The following CACNA2D1 variants were observed in gnomAD, a reference collection of about 807,000 sequenced individuals.
The protein encoded by CACNA2D1 is voltage-dependent calcium channel subunit alpha-2/delta-1.
In CACNA2D1, 53 loss-of-function variants were observed where a neutral mutation model predicts 171.5. The ratio of observed to expected loss-of-function variants is 0.31; its 90% CI spans 0.25 to 0.39. The LOEUF (loss-of-function observed/expected upper bound fraction) is 0.39, where lower values mean the gene tolerates loss of function less well. Ranked by LOEUF, CACNA2D1 falls within the 10% of genes least tolerant of loss-of-function variation. The pLI, the probability that CACNA2D1 is intolerant of heterozygous loss-of-function variation, is 1.00. For missense variants in CACNA2D1, 903 were observed against 1,299.8 expected (o/e 0.69, Z 4.69); for synonymous variants, 442 against 443.1 (o/e 1.00, Z 0.03).
intron 6 of CACNA2D1, among the ~76,000 whole-genome samples, chr7:82,110,055 G>C (rs572922023): frequency 6.6e-6 from 1 of 152,262 alleles, no homozygotes; most frequent in African/African-American, 2.4e-5. Flanking sequence ...CAGCCTACCT[G>C]TCCATCATAC....
rs367653291 is a variant in CACNA2D1, at chr7:82,101,357, CA to C, written c.526+15686del. Among the ~76,000 whole-genome samples, 659 of 152,180 alleles carry C rather than the reference CA, an allele frequency of 4.3e-3. 4 individuals carry two copies. Among genetic ancestry groups the C allele is most frequent in the East Asian group, 0.015 (76 of 5,166 alleles). On this transcript the variant is annotated intron_variant, in intron 6 of 38. Coordinates refer to ENST00000356860, the MANE Select transcript of CACNA2D1 (RefSeq NM_000722.4). ...TGGCATGGCCAAAGTCTTGGGGGAG[CA>C]CACAGGTGATGATGGGTGACAAATG...
intron 24 of CACNA2D1, among the ~76,000 whole-genome samples, chr7:81,978,157 A>G (rs1796048838): frequency 6.6e-6 from 1 of 152,210 alleles, no homozygotes; most frequent in Admixed American, 6.5e-5. Flanking sequence ...AATTGGTTCA[A>G]CCATTGTGGA....
chr7:82,157,414 T>A (rs1350424049), intron 4 of CACNA2D1, among the ~76,000 whole-genome samples: 1 of 152,112 alleles, frequency 6.6e-6, no homozygotes, highest in Admixed American at 6.6e-5. Context: ...TTCCACCATA[T>A]CCATGTATTC....
At chr7:82,075,784 T>A (rs752756041) in intron 7 of CACNA2D1, among the ~76,000 whole-genome samples, 2 of 152,136 alleles carry the variant, frequency 1.3e-5, no homozygotes, top group Non-Finnish European at 2.9e-5. Flanking sequence ...TTTTTCATAA[T>A]CAAGTATACT....
At chr7:82,053,297 A>G (rs2131324978) in intron 10 of CACNA2D1, among the ~76,000 whole-genome samples, 1 of 151,916 alleles carries the variant, frequency 6.6e-6, no homozygotes, top group African/African-American at 2.4e-5. Context: ...AATTATGATT[A>G]AATAGAAGGT....
chr7:82,418,007 T>G (rs1828345104), intron 1 of CACNA2D1, among the ~76,000 whole-genome samples: 1 of 152,182 alleles, frequency 6.6e-6, no homozygotes, highest in African/African-American at 2.4e-5. Flanking sequence ...GTTCTCAAGC[T>G]GCTATAAAGA....
At chr7:82,357,796 G>T (rs1182112687) in intron 1 of CACNA2D1, among the ~76,000 whole-genome samples, 3 of 151,210 alleles carry the variant, frequency 2.0e-5, no homozygotes, top group Non-Finnish European at 4.4e-5. Flanking sequence ...CACCAACATG[G>T]CACATGTATA....
At chr7:82,147,479 C>T (rs1204222070) in intron 4 of CACNA2D1, among the ~76,000 whole-genome samples, 1 of 152,154 alleles carries the variant, frequency 6.6e-6, no homozygotes, top group Non-Finnish European at 1.5e-5. Flanking sequence ...TTGCTTTAAT[C>T]TCCTTTAATC....
chr7:82,053,234 A>G (rs2131324001), intron 10 of CACNA2D1, among the ~76,000 whole-genome samples: 1 of 143,210 alleles, frequency 7.0e-6, no homozygotes, highest in African/African-American at 2.6e-5. Context: ...CCTGGGTGAC[A>G]GAGCGAGACT....
intron 1 of CACNA2D1, among the ~76,000 whole-genome samples, chr7:82,373,645 C>T (rs1278421718): frequency 2.6e-5 from 4 of 152,130 alleles, no homozygotes; most frequent in Non-Finnish European, 5.9e-5. Flanking sequence ...AAAATTATGC[C>T]TACAATCTGG....
intron 3 of CACNA2D1, among the ~76,000 whole-genome samples, chr7:82,280,156 G>C (rs982049454): frequency 2.0e-5 from 3 of 152,050 alleles, no homozygotes; most frequent in Non-Finnish European, 4.4e-5. Context: ...ATTTTATTTT[G>C]AATCATAAGT....
chr7:82,092,938 C>G (rs1004564295), intron 6 of CACNA2D1, among the ~76,000 whole-genome samples: 1 of 151,354 alleles, frequency 6.6e-6, no homozygotes, highest in African/African-American at 2.4e-5. Context: ...AGCCGGAAGC[C>G]ATAGAAGAAT....
At chr7:82,018,109 C>T (rs774532003) in intron 12 of CACNA2D1, among the ~76,000 whole-genome samples, 5 of 152,128 alleles carry the variant, frequency 3.3e-5, no homozygotes, top group Non-Finnish European at 5.9e-5. Context: ...AAATTTTCAT[C>T]ATAGAGTCAC....
chr7:82,149,209 G>A (rs1177514941), intron 4 of CACNA2D1, among the ~76,000 whole-genome samples: 1 of 152,018 alleles, frequency 6.6e-6, no homozygotes, highest in African/African-American at 2.4e-5. Flanking sequence ...TACTAAACAA[G>A]CCAGCCTCCC....
chr7:82,262,162 T>C (rs1807200686), intron 3 of CACNA2D1, among the ~76,000 whole-genome samples: 1 of 152,250 alleles, frequency 6.6e-6, no homozygotes, highest in African/African-American at 2.4e-5. Context: ...AAACCCCGTC[T>C]CTACTAAAAA....
intron 4 of CACNA2D1, among the ~76,000 whole-genome samples, chr7:82,150,274 A>C (rs1042013906): frequency 3.9e-5 from 3 of 76,612 alleles, no homozygotes; most frequent in African/African-American, 2.5e-4. Flanking sequence ...AAAAAACAAA[A>C]ACAACAACAA....
At chr7:82,338,560 A>C (rs897861009) in intron 2 of CACNA2D1, among the ~76,000 whole-genome samples, 2 of 152,150 alleles carry the variant, frequency 1.3e-5, no homozygotes, top group Admixed American at 1.3e-4. Flanking sequence ...CACATACATT[A>C]TATTATTTAT....
At chr7:82,354,164 C>G (rs1432350866) in intron 1 of CACNA2D1, among the ~76,000 whole-genome samples, 1 of 152,194 alleles carries the variant, frequency 6.6e-6, no homozygotes, top group Non-Finnish European at 1.5e-5. Flanking sequence ...TTCTGCAATA[C>G]TGTCCATAAA....
Position 82,097,117 on chromosome 7 carries a change from C to T in CACNA2D1, c.527-12217G>A, listed in dbSNP as rs576477230. The stretch of plus-strand genomic sequence containing the variant: ...TAGTAGAAGGACCGCATGCCTGATC[C>T]AGTGAACTCGCTGTACAGGCACACA... On this transcript the variant is annotated intron_variant, in intron 6 of 38. Coordinates refer to ENST00000356860, the MANE Select transcript of CACNA2D1 (RefSeq NM_000722.4). 3.9e-5 allele frequency among the ~76,000 whole-genome samples: 6 copies of T among 152,182 alleles called. No individual in the cohort carries two copies. In the South Asian group the frequency reaches 1.2e-3, roughly 32 times the overall value.
Sources: gnomAD v4.1 joint callset for allele counts (sites outside exome capture counted in the v4.1 genomes callset) on GRCh38, gnomAD v4.1.1 for gene constraint, MANE v1.5 for transcripts, NCBI Gene and HGNC (gene_info 2026-07-23, HGNC 2026-07-21) for gene names.